Variants in ABCC9 observed in about 807,000 individuals in gnomAD.
The protein encoded by ABCC9 is ATP binding cassette subfamily C member 9, also known as ATP-binding cassette sub-family C member 9.
In ABCC9, 95 loss-of-function variants were observed where a neutral mutation model predicts 188.3. The observed-to-expected ratio is 0.50, with a 90% CI of 0.43 to 0.60. ABCC9 has a LOEUF of 0.60. ABCC9 is among the 20% of genes least tolerant of loss of function. The pLI, the probability that ABCC9 is intolerant of heterozygous loss-of-function variation, is 0.00. For missense variants in ABCC9, 1,102 were observed against 1,876.3 expected, an observed-to-expected ratio of 0.59 and a Z score of 7.62; for synonymous variants, 659 against 652.7, an observed-to-expected ratio of 1.01 and a Z score of -0.15.
intron 36 of ABCC9, among the ~76,000 whole-genome samples, chr12:21,810,293 G>C (rs773398312): frequency 1.3e-5 from 2 of 152,172 alleles, no homozygotes; most frequent in Non-Finnish European, 2.9e-5. Context: ...CTGCAGGACT[G>C]ATGCTACATA....
chr12:21,828,134 A>G (rs1185044917), intron 31 of ABCC9, among the ~76,000 whole-genome samples: 1 of 152,220 alleles, frequency 6.6e-6, no homozygotes, highest in Non-Finnish European at 1.5e-5. Context: ...TATTTAAAAA[A>G]TTACACTCAA....
In ABCC9 at chr12:21,894,160, A is replaced by T. The variant is rs1274940649; in HGVS notation, c.1674T>A (p.His558Gln). The change falls in exon 14 of 40, where the codon CAT becomes CAA. Residue 558 changes from histidine (H) to glutamine (Q), a missense_variant. Coordinates refer to ENST00000261200, the MANE Select transcript of ABCC9 (RefSeq NM_020297.4). ...TCAGATTGTTTCCACTGGCATACGC[A>T]TGGGTCACAAATGTCTGTGCAAAGA... is the stretch of plus-strand genomic sequence containing the variant. ...IAAVLATFVT[H>Q]AYASGNNLKP... 2 of 1,613,940 alleles carry T rather than the reference A, an allele frequency of 1.2e-6. No homozygotes were observed. Among genetic ancestry groups the T allele is most frequent in the Non-Finnish European group, 8.5e-7 (1 of 1,179,992 alleles).
intron 25 of ABCC9, among the ~76,000 whole-genome samples, chr12:21,846,997 A>G (rs1196575959): frequency 6.6e-6 from 1 of 152,032 alleles, no homozygotes; most frequent in African/African-American, 2.4e-5. Flanking sequence ...TCTTAAGAGA[A>G]AGGAAGTACC....
intron 14 of ABCC9, among the ~76,000 whole-genome samples, chr12:21,892,971 T>C (rs1010256117): frequency 6.6e-6 from 1 of 152,210 alleles, no homozygotes; most frequent in African/African-American, 2.4e-5. Flanking sequence ...TATTGCGACA[T>C]CTTGGCACTT....
At chr12:21,859,712 A>G (rs1592089790) in intron 21 of ABCC9, 46 bp from the exon 22 acceptor site, 2 of 1,515,792 alleles carry the variant, frequency 1.3e-6, no homozygotes, top group Non-Finnish European at 9.2e-7. Flanking sequence ...ATATTAGTAA[A>G]TGATCTTTTG....
chr12:21,892,852 A>C (rs1947231499), intron 14 of ABCC9, among the ~76,000 whole-genome samples: 1 of 152,212 alleles, frequency 6.6e-6, no homozygotes, highest in Non-Finnish European at 1.5e-5. Flanking sequence ...TATAGACACC[A>C]GCACAATTAT....
chr12:21,837,754 C>G (rs1008294247), intron 30 of ABCC9, among the ~76,000 whole-genome samples: 2 of 140,996 alleles, frequency 1.4e-5, no homozygotes, highest in African/African-American at 5.4e-5. Flanking sequence ...ATTAACTAGT[C>G]CAATGACCCT....
At chr12:21,806,372 A>G (rs1046459410) in intron 38 of ABCC9, among the ~76,000 whole-genome samples, 4 of 152,220 alleles carry the variant, frequency 2.6e-5, no homozygotes, top group Non-Finnish European at 4.4e-5. Context: ...CACAAAAAGT[A>G]TGTATTTGAA....
chr12:21,818,069 C>T, intron 32 of ABCC9, 81 bp downstream of exon 32: 1 of 872,842 alleles, frequency 1.1e-6, no homozygotes. Flanking sequence ...CTCATGTGTT[C>T]TCAACATTCA....
At chr12:21,876,008 C>T (rs1315798976) in intron 16 of ABCC9, among the ~76,000 whole-genome samples, 2 of 151,972 alleles carry the variant, frequency 1.3e-5, no homozygotes, top group African/African-American at 2.4e-5. Flanking sequence ...GCCGAGATCG[C>T]GCCACTGCAC....
chr12:21,910,354 A>C, intron 9 of ABCC9, 42 bp from the exon 10 acceptor site: 1 of 1,508,280 alleles, frequency 6.6e-7, no homozygotes, highest in Non-Finnish European at 9.0e-7. Flanking sequence ...CTCTAAACTT[A>C]AAATTGACAC....
chr12:21,844,564 A>T lies in ABCC9; in HGVS notation c.3246-12T>A, dbSNP rs769636383. 1 of 1,612,204 alleles carries T rather than the reference A, an allele frequency of 6.2e-7. No individual in the cohort carries two copies. Among genetic ancestry groups the T allele is most frequent in the Non-Finnish European group, 8.5e-7 (1 of 1,178,330 alleles). On this transcript the variant is annotated splice_polypyrimidine_tract_variant and intron_variant, in intron 27 of 39. Transcript: ENST00000261200. The stretch of plus-strand genomic sequence containing the variant: ...TGGTATCAAAAAACCTAGGCAATAA[A>T]CAGATGGAAGTATATGATAATACTA...
At chr12:21,866,524 C>T (rs1226656117) in intron 18 of ABCC9, among the ~76,000 whole-genome samples, 1 of 152,124 alleles carries the variant, frequency 6.6e-6, no homozygotes, top group South Asian at 2.1e-4. Context: ...CTTGGTTTCC[C>T]CTGCTAAACA....
At chr12:21,932,591 A>T (rs758291816) in intron 4 of ABCC9, among the ~76,000 whole-genome samples, 8 of 152,124 alleles carry the variant, frequency 5.3e-5, no homozygotes, top group Non-Finnish European at 7.4e-5. Flanking sequence ...AAACAACCTC[A>T]TAAAAAAGTG....
chr12:21,845,401 T>TTAAAATG (rs1944603727), intron 26 of ABCC9, among the ~76,000 whole-genome samples: 1 of 152,150 alleles, frequency 6.6e-6, no homozygotes, highest in Admixed American at 6.6e-5. Flanking sequence ...TATGATAAAC[T>TTAAAATG]TTAAAAGTAT....
At chr12:21,889,046 C>G (rs1947016324) in intron 14 of ABCC9, among the ~76,000 whole-genome samples, 2 of 152,032 alleles carry the variant, frequency 1.3e-5, no homozygotes, top group African/African-American at 4.8e-5. Flanking sequence ...TCAAGTTCCT[C>G]CAGACAAGTC....
chr12:21,839,185 T>C (rs1180050751), intron 29 of ABCC9, among the ~76,000 whole-genome samples: 1 of 152,208 alleles, frequency 6.6e-6, no homozygotes, highest in African/African-American at 2.4e-5. Context: ...AGAATTAATG[T>C]GATGCTGGTC....
intron 10 of ABCC9, among the ~76,000 whole-genome samples, chr12:21,908,450 G>C (rs1382985962): frequency 6.6e-6 from 1 of 151,938 alleles, no homozygotes; most frequent in Admixed American, 6.6e-5. Flanking sequence ...TGTATTTTTA[G>C]TATGATAATC....
intron 35 of ABCC9, among the ~76,000 whole-genome samples, chr12:21,812,750 A>G (rs1358444609): frequency 6.6e-6 from 1 of 152,120 alleles, no homozygotes; most frequent in Non-Finnish European, 1.5e-5. Context: ...CCTAATGTAG[A>G]TGATGGGTTG....
Sources: allele counts gnomAD v4.1 joint callset (sites outside exome capture counted in the v4.1 genomes callset), GRCh38; gene constraint gnomAD v4.1.1; transcripts MANE v1.5; gene names NCBI Gene and HGNC (gene_info 2026-07-23, HGNC 2026-07-21).